Variants in SPAG9 observed in about 807,000 individuals in gnomAD.
SPAG9 encodes the protein C-Jun-amino-terminal kinase-interacting protein 4.
Under a neutral mutation model 166.5 loss-of-function variants are expected in SPAG9, and 35 were observed. The observed-to-expected ratio is 0.21, with a 90% CI of 0.16 to 0.28. The LOEUF (loss-of-function observed/expected upper bound fraction) is 0.28. SPAG9 is among the 10% of genes least tolerant of loss of function. SPAG9 has a pLI of 1.00. For missense variants in SPAG9, 1,235 were observed against 1,603.3 expected, an observed-to-expected ratio of 0.77 and a Z score of 3.92; for synonymous variants, 534 against 565.5, an observed-to-expected ratio of 0.94 and a Z score of 0.79.
intron 1 of SPAG9, among the ~76,000 whole-genome samples, chr17:51,105,463 T>C (rs2048920806): frequency 6.6e-6 from 1 of 152,208 alleles, no homozygotes; most frequent in South Asian, 2.1e-4. Flanking sequence ...ACTCTGAATA[T>C]GTATCTAAAG....
At chr17:51,030,922 T>C (rs909442193) in intron 6 of SPAG9, 5 of 150,772 alleles carry the variant, frequency 3.3e-5, no homozygotes, top group African/African-American at 1.2e-4. Context: ...GCTTTTTTTT[T>C]TTTTTTTTTT....
chr17:51,117,296 G>C (rs1368226476), intron 1 of SPAG9, among the ~76,000 whole-genome samples: 1 of 152,146 alleles, frequency 6.6e-6, no homozygotes, highest in African/African-American at 2.4e-5. Flanking sequence ...AGTTTCCACA[G>C]AGGTGCTCAG....
At chr17:51,071,527 T>A (rs759386512) in intron 2 of SPAG9, among the ~76,000 whole-genome samples, 15 of 152,246 alleles carry the variant, frequency 9.9e-5, no homozygotes, top group South Asian at 2.1e-4. Context: ...GTAAAAAAAA[T>A]TTCTTATATT....
chr17:50,977,344 G>T, intron 26 of SPAG9, 123 bp from the exon 27 acceptor site: 1 of 664,480 alleles, frequency 1.5e-6, no homozygotes, highest in Non-Finnish European at 2.7e-6. Context: ...GTAGTAGCAG[G>T]ATTGATACAA....
intron 2 of SPAG9, among the ~76,000 whole-genome samples, chr17:51,069,724 T>C (rs1359932857): frequency 6.6e-6 from 1 of 152,174 alleles, no homozygotes; most frequent in Non-Finnish European, 1.5e-5. Flanking sequence ...AGTGTTTTCC[T>C]TCTAATAATA....
chr17:51,021,541 C>T (rs998276283), intron 6 of SPAG9, among the ~76,000 whole-genome samples, 176 bp from the exon 7 acceptor site: 6 of 151,766 alleles, frequency 4.0e-5, no homozygotes, highest in Admixed American at 1.3e-4. Flanking sequence ...TGCAAATAAT[C>T]GGGAAATATT....
rs900667941 is a variant in SPAG9, at chr17:50,964,200, C to T, written c.*2072G>A. ...GAATGTTTAGACAATTTGACATCTA[C>T]GTTTGCTTTCTTTTCTTTTCAGTAG... is the stretch of plus-strand genomic sequence containing the variant. On this transcript the variant is annotated 3_prime_UTR_variant, in exon 30 of 30. Transcript: ENST00000262013. 2 of 152,126 alleles carry T rather than the reference C, an allele frequency of 1.3e-5. No homozygotes were observed. Among genetic ancestry groups the T allele is most frequent in the Admixed American group, 6.5e-5 (1 of 15,276 alleles). The allele number at this position is 152,126 out of a possible 1,614,324, so 9.4% of individuals were successfully genotyped here. A position where few individuals can be genotyped will look rare whatever the true frequency, so the allele number is the denominator to read the frequency against.
intron 14 of SPAG9, 150 bp from the exon 15 acceptor site, chr17:50,998,767 T>C: frequency 3.1e-6 from 2 of 642,130 alleles, no homozygotes; most frequent in South Asian, 2.1e-5. Context: ...AGTCATACGC[T>C]GTAGCCTTAG....
chr17:50,975,870 C>G (rs1355071544), intron 27 of SPAG9: 1 of 1,535,726 alleles, frequency 6.5e-7, no homozygotes, highest in Non-Finnish European at 8.7e-7. Context: ...TACCCCTCAG[C>G]CCCAGTAAAC....
intron 29 of SPAG9, among the ~76,000 whole-genome samples, chr17:50,968,591 C>T (rs913733843): frequency 4.0e-5 from 6 of 151,808 alleles, no homozygotes; most frequent in South Asian, 4.2e-4. Flanking sequence ...ATTAACCAGG[C>T]GTGGTGGCAC....
chr17:51,073,793 T>C (rs2047890218), intron 2 of SPAG9, among the ~76,000 whole-genome samples: 1 of 152,152 alleles, frequency 6.6e-6, no homozygotes, highest in Non-Finnish European at 1.5e-5. Context: ...AGGGAGTAAG[T>C]TCCAAAGCAT....
chr17:50,971,309 AAAACAAACAAAC>A lies in SPAG9; in HGVS notation c.3701-465_3701-454del, dbSNP rs138130404. On this transcript the variant is annotated intron_variant, in intron 28 of 29. Coordinates refer to ENST00000262013, the MANE Select transcript of SPAG9 (RefSeq NM_001130528.3). ...CAACAGAGCAAGACCTTGCTTCTAA[AAAACAAACAAAC>A]AAACAAACAAACAAACAAACAAAAC... Among the ~76,000 whole-genome samples, 1,124 of 149,912 alleles carry A rather than the reference AAAACAAACAAAC, an allele frequency of 7.5e-3. 9 individuals carry two copies. The highest frequency in any genetic ancestry group is 0.014 in the African/African-American group (582 of 40,660).
At chr17:51,078,453 GC>G (rs1420176651) in intron 2 of SPAG9, among the ~76,000 whole-genome samples, 18 of 152,158 alleles carry the variant, frequency 1.2e-4, no homozygotes, top group Non-Finnish European at 2.9e-5. Context: ...TACCTTTATA[GC>G]TGGTGTCACT....
intron 1 of SPAG9, among the ~76,000 whole-genome samples, chr17:51,102,907 G>C (rs540768812): frequency 6.6e-6 from 1 of 152,118 alleles, no homozygotes; most frequent in African/African-American, 2.4e-5. Context: ...GACTTCAGGC[G>C]TGTGTTGCTA....
chr17:51,070,072 T>TAAA (rs11418069), intron 2 of SPAG9, among the ~76,000 whole-genome samples: 1 of 135,802 alleles, frequency 7.4e-6, no homozygotes, highest in Non-Finnish European at 1.6e-5. Flanking sequence ...CCTCATCTCT[T>TAAA]AAAAAAAAAA....
Position 50,979,859 on chromosome 17 carries a change from C to G in SPAG9, c.3296G>C (p.Gly1099Ala). The G allele has an allele frequency of 6.2e-7, 1 of 1,614,142 alleles. No homozygotes were observed. Among genetic ancestry groups the G allele is most frequent in the Non-Finnish European group, 8.5e-7 (1 of 1,180,008 alleles). Reference protein sequence around the residue: ...ESQVRQLAWVGDGVWVSIRLD... With the variant: ...ESQVRQLAWVADGVWVSIRLD... ...GCGAATGGAGACCCACACGCCATCCCCCACCCACGCAAGCTGTCGCACTTG... is the reference window on the plus strand; with the variant it reads ...GCGAATGGAGACCCACACGCCATCCGCCACCCACGCAAGCTGTCGCACTTG... The change falls in exon 26 of 30, where the codon GGG becomes GCG. Residue 1099 changes from glycine (G) to alanine (A), a missense_variant. Physicochemically the swap from Gly to Ala is moderately conservative, Grantham distance 60 (BLOSUM62 0). Transcript: ENST00000262013.
intron 4 of SPAG9, 107 bp from the exon 5 acceptor site, chr17:51,041,758 CA>C: frequency 1.0e-6 from 1 of 989,076 alleles, no homozygotes; most frequent in Non-Finnish European, 1.5e-6. Context: ...AACCATCACT[CA>C]AAAATGACAC....
chr17:51,081,425 T>C (rs887822592), intron 1 of SPAG9, among the ~76,000 whole-genome samples: 3 of 151,906 alleles, frequency 2.0e-5, no homozygotes, highest in African/African-American at 7.3e-5. Context: ...AACTCCAGCC[T>C]GGGCGACAGA....
chr17:51,000,844 T>G (rs1001639140), intron 13 of SPAG9, among the ~76,000 whole-genome samples: 2 of 152,208 alleles, frequency 1.3e-5, no homozygotes, highest in African/African-American at 4.8e-5. Flanking sequence ...CGATATCCAC[T>G]AAATACTGCA....
Sources: gnomAD v4.1 joint callset for allele counts (sites outside exome capture counted in the v4.1 genomes callset) on GRCh38, gnomAD v4.1.1 for gene constraint, MANE v1.5 for transcripts, NCBI Gene and HGNC (gene_info 2026-07-23, HGNC 2026-07-21) for gene names.